PLCE1: variants seen among roughly 807,000 people sequenced by gnomAD.
The protein encoded by PLCE1 is 1-phosphatidylinositol 4,5-bisphosphate phosphodiesterase epsilon-1.
Under a neutral mutation model 242.8 loss-of-function variants are expected in PLCE1, and 119 were observed. The ratio of observed to expected loss-of-function variants is 0.49; its 90% confidence interval spans 0.42 to 0.57. PLCE1 has a LOEUF of 0.57. Among genes scored for constraint, PLCE1 ranks in the 20% least tolerant of loss-of-function variants. PLCE1 has a pLI of 0.00. For missense variants in PLCE1, 2,441 were observed against 2,788.8 expected (o/e 0.88, Z 2.81); for synonymous variants, 945 against 1,017.4 (o/e 0.93, Z 1.35).
At chr10:94,258,436 A>G (rs1238419153) in intron 11 of PLCE1, among the ~76,000 whole-genome samples, 1 of 152,230 alleles carries the variant, frequency 6.6e-6, no homozygotes, top group Non-Finnish European at 1.5e-5. Flanking sequence ...ATTATTTCCC[A>G]TAGATTAAGA....
intron 2 of PLCE1, among the ~76,000 whole-genome samples, chr10:94,106,912 T>TTCTCTCTCTCTCTCTCTCTCTC (rs771182277): frequency 0.11 from 4,250 of 38,712 alleles, 1,273 homozygotes; most frequent in Non-Finnish European, 0.13. Flanking sequence ...TGTCTCTTGT[T>TTCTCTCTCTCTCTCTCTCTCTC]TCTCTCTCTC....
In PLCE1 at chr10:94,254,281, A is replaced by G. The variant is rs748303342; in HGVS notation, c.3371A>G (p.Gln1124Arg). 10 of 1,613,208 alleles carry G rather than the reference A, an allele frequency of 6.2e-6. No homozygotes were observed. The highest frequency in any genetic ancestry group is 6.8e-6 in the Non-Finnish European group (8 of 1,179,258). ...ECRSRSGSDP[Q>R]DINEQEESEV... ...CGAAGCCGGAGTGGTTCTGATCCTC[A>G]AGACATTAATGAACAAGAAGAATCA... Residue 1124 changes from glutamine (Q) to arginine (R), a missense_variant, in exon 10 of 33, where the codon CAA (glutamine) becomes CGA (arginine). Around this residue, in one of 5 missense-constraint regions of PLCE1, gnomAD observed 1,004 missense variants for 1,322.7 expected, o/e 0.76. Coordinates refer to ENST00000371380, the MANE Select transcript of PLCE1 (RefSeq NM_016341.4).
intron 4 of PLCE1, among the ~76,000 whole-genome samples, chr10:94,189,143 C>T (rs1425336935): frequency 6.6e-6 from 1 of 151,096 alleles, no homozygotes; most frequent in Admixed American, 6.6e-5. Flanking sequence ...ACACTTTTAA[C>T]TCACCAGCAT....
At position 94,220,090 on chromosome 10, in the gene PLCE1, C is replaced by T. The variant is rs147503429; in HGVS notation, c.1810-7216C>T. Among the ~76,000 whole-genome samples, 850 of 151,902 alleles carry T rather than the reference C, an allele frequency of 5.6e-3. 6 individuals carry two copies. The highest frequency in any genetic ancestry group is 0.017 in the Middle Eastern group (5 of 294). The stretch of plus-strand genomic sequence containing the variant: ...GGAAACATGCTGGCTGCTGTATCCT[C>T]AGAACTGAGATCCTGGCATGAATGA... On this transcript the variant is annotated intron_variant, in intron 4 of 32. Coordinates refer to ENST00000371380, the MANE Select transcript of PLCE1 (RefSeq NM_016341.4).
intron 7 of PLCE1, among the ~76,000 whole-genome samples, chr10:94,237,970 A>G (rs893072383): frequency 2.0e-5 from 3 of 152,182 alleles, no homozygotes; most frequent in Non-Finnish European, 4.4e-5. Context: ...CAGCCCTGTG[A>G]AAACTACAGC....
chr10:94,180,875 T>C (rs1248116946), intron 4 of PLCE1, among the ~76,000 whole-genome samples: 1 of 152,254 alleles, frequency 6.6e-6, no homozygotes, highest in Non-Finnish European at 1.5e-5. Flanking sequence ...ACCAGACAAC[T>C]GAAATTGTTA....
Position 94,304,618 on chromosome 10 carries a change from C to G in PLCE1, c.5595C>G (p.Ser1865Arg), listed in dbSNP as rs1199784194. 4 of 1,613,940 alleles carry G rather than the reference C, an allele frequency of 2.5e-6. No homozygotes were observed. The highest frequency in any genetic ancestry group is 1.7e-5 in the Admixed American group (1 of 59,990). The change falls in exon 25 of 33, where the codon AGC (serine) becomes AGG (arginine). Residue 1865 changes from serine to arginine, a missense_variant. By Grantham distance (110) the Ser-to-Arg change is moderately radical. Around this residue, in one of 5 missense-constraint regions of PLCE1, gnomAD observed 1,004 missense variants for 1,322.7 expected, o/e 0.76. Transcript: ENST00000371380. ...KFSPLERDLD[S>R]MDPAVYSLTI... ...CTCCACTAGAAAGAGATCTGGACAGCATGGATCCTGCAGTCTATTCTTTAA... is the reference window on the plus strand; with the variant it reads ...CTCCACTAGAAAGAGATCTGGACAGGATGGATCCTGCAGTCTATTCTTTAA...
At chr10:94,224,593 G>A (rs1379430537) in intron 4 of PLCE1, among the ~76,000 whole-genome samples, 1 of 152,164 alleles carries the variant, frequency 6.6e-6, no homozygotes, top group Non-Finnish European at 1.5e-5. Context: ...TACTTTTCAG[G>A]ATCTCATTTT....
intron 2 of PLCE1, among the ~76,000 whole-genome samples, chr10:94,087,547 C>T (rs527670289): frequency 6.6e-6 from 1 of 151,900 alleles, no homozygotes; most frequent in South Asian, 2.1e-4. Flanking sequence ...AGTTATCCTC[C>T]TACCTCAGCC....
intron 3 of PLCE1, among the ~76,000 whole-genome samples, chr10:94,133,828 A>G (rs1052000871): frequency 6.6e-6 from 1 of 152,314 alleles, no homozygotes; most frequent in South Asian, 2.1e-4. Context: ...TGGAAAAGGA[A>G]CAAAACATAA....
At chr10:94,145,328 C>T (rs1300488131) in intron 3 of PLCE1, among the ~76,000 whole-genome samples, 1 of 152,156 alleles carries the variant, frequency 6.6e-6, no homozygotes, top group Non-Finnish European at 1.5e-5. Context: ...TAGAAGGAAG[C>T]TTGTGGTGTA....
chr10:94,298,452 T>A lies in PLCE1; in HGVS notation c.5241T>A (p.Ala1747=), dbSNP rs1007158725. ...TCAACCCAACCACGTCCCTCAGTGC[T>A]ATCATTAGAACTCCCAAATGTTATC... ...SPLNPTTSLS[A]IIRTPKCYHI... is the part of the protein sequence containing the mutation. Residue 1747 remains alanine (A), a synonymous_variant, in exon 24 of 33, where the codon GCT becomes GCA. Transcript: ENST00000371380. The surrounding 1 kb of genome is among the most constrained non-coding windows in gnomAD (Gnocchi z 5.2). The A allele has an allele frequency of 1.9e-6, 3 of 1,614,024 alleles. No individual in the cohort carries two copies. Among genetic ancestry groups the A allele is most frequent in the African/African-American group, 2.7e-5 (2 of 74,938 alleles).
chr10:94,293,649 CT>C lies in PLCE1; in HGVS notation c.5167+13del. On this transcript the variant is annotated intron_variant, in intron 23 of 32. Transcript: ENST00000371380. ...AAAACATCTGGAAAAAGTAAAGTCACTTTCTTACAATATCTTTGCTTGATTC... is the reference window on the plus strand; with the variant it reads ...AAAACATCTGGAAAAAGTAAAGTCACTTCTTACAATATCTTTGCTTGATTC... 6.2e-7 allele frequency: 1 copy of C among 1,613,050 alleles called. No homozygotes were observed. Among genetic ancestry groups the C allele is most frequent in the Non-Finnish European group, 8.5e-7 (1 of 1,179,318 alleles).
rs751834535 is a variant in PLCE1, at chr10:94,133,076, A to C, written c.1492+617A>C. ...TTTCTCCTAGTGGTAGTTTATGACA[A>C]ATGTCAATTACTATGACAAGATGCT... On this transcript the variant is annotated intron_variant, in intron 3 of 32. Coordinates refer to ENST00000371380, the MANE Select transcript of PLCE1 (RefSeq NM_016341.4). Among the ~76,000 whole-genome samples the C allele has an allele frequency of 1.2e-4, 19 of 152,174 alleles. 1 individual carries two copies. Among genetic ancestry groups the C allele is most frequent in the Admixed American group, 1.2e-3 (18 of 15,276 alleles).
At chr10:94,230,139 C>G (rs538064832) in intron 5 of PLCE1, among the ~76,000 whole-genome samples, 1 of 152,090 alleles carries the variant, frequency 6.6e-6, no homozygotes, top group Non-Finnish European at 1.5e-5. Flanking sequence ...CTTCCTCTAA[C>G]TAAATTCTTA....
Position 94,262,718 on chromosome 10 carries a change from C to G in PLCE1, c.4039C>G (p.Leu1347Val). 1.2e-6 allele frequency: 2 copies of G among 1,610,736 alleles called. No homozygotes were observed. The part of the protein sequence containing the change: ...QGEHCTYDEI[L>V]SIIQKFEPSI... ...AGAACACTGCACTTATGATGAAATC[C>G]TCAGCATCATCCAGGTTTGTGCCTG... The change falls in exon 14 of 33, where the codon CTC (leucine) becomes GTC (valine). Residue 1347 changes from leucine (L) to valine (V), a missense_variant. Leu to Val is a conservative substitution (Grantham distance 32). Coordinates refer to ENST00000371380, the MANE Select transcript of PLCE1 (RefSeq NM_016341.4).
At position 94,331,522 on chromosome 10, in the gene PLCE1, G is replaced by A. The variant is rs1414163712; in HGVS notation, c.*3579G>A. On this transcript the variant is annotated 3_prime_UTR_variant, in exon 33 of 33. Coordinates refer to ENST00000371380, the MANE Select transcript of PLCE1 (RefSeq NM_016341.4). ...TAGTAAAGAAGAGTAGGATTTTCCT[G>A]GCTGGTGTCTTTGATCTTACATTGG... 1.3e-5 allele frequency: 2 copies of A among 152,200 alleles called. No homozygotes were observed. The highest frequency in any genetic ancestry group is 1.3e-4 in the Admixed American group (2 of 15,286). 9.4% of individuals were successfully genotyped at this position (152,200 alleles called of 1,614,324 possible). A position where few individuals can be genotyped will look rare whatever the true frequency, so the allele number is the denominator to read the frequency against.
At chr10:94,151,941 G>A (rs533087436) in intron 3 of PLCE1, among the ~76,000 whole-genome samples, 5 of 152,262 alleles carry the variant, frequency 3.3e-5, no homozygotes, top group Admixed American at 2.6e-4. Context: ...TTAGAAGTGG[G>A]TTTGACTGGC....
At chr10:94,279,723 G>A in intron 19 of PLCE1, 59 bp from the exon 20 acceptor site, 2 of 1,580,600 alleles carry the variant, frequency 1.3e-6, no homozygotes, top group Non-Finnish European at 1.7e-6. Flanking sequence ...TAGTTTTAAA[G>A]GTTATAAATG....
Sources: gnomAD v4.1 joint callset for allele counts (sites outside exome capture counted in the v4.1 genomes callset) on GRCh38, gnomAD v4.1.1 for gene constraint, gnomAD v4.1.1 regional missense constraint, Gnocchi (gnomAD v3.1) non-coding constraint, MANE v1.5 for transcripts, NCBI Gene and HGNC (gene_info 2026-07-23, HGNC 2026-07-21) for gene names.